EBF1: variants seen among roughly 807,000 people sequenced by gnomAD.
EBF1 encodes EBF transcription factor 1, also known as transcription factor COE1.
In EBF1, 10 loss-of-function variants were observed where a neutral mutation model predicts 68.4. The observed-to-expected ratio is 0.15, with a 90% CI of 0.09 to 0.25. The LOEUF (loss-of-function observed/expected upper bound fraction) is 0.25, where lower values mean the gene tolerates loss of function less well. Ranked by LOEUF, EBF1 falls within the 10% of genes least tolerant of loss-of-function variation. The pLI, the probability that EBF1 is intolerant of heterozygous loss-of-function variation, is 1.00. For synonymous variants in EBF1, 298 were observed against 299.8 expected (o/e 0.99, Z 0.06); for missense variants, 509 against 794.4 (o/e 0.64, Z 4.32).
chr5:158,704,342 C>T lies in EBF1; in HGVS notation c.1744+3637G>A, dbSNP rs191304681. ...GCTGGGGAAGAGGTCTTTTAGGAGT[C>T]GGCTTTAAAAAACAGAACCATGCAC... On this transcript the variant is annotated intron_variant, in intron 15 of 15. Coordinates refer to ENST00000313708, the MANE Select transcript of EBF1 (RefSeq NM_024007.5). Among the ~76,000 whole-genome samples the T allele has an allele frequency of 2.9e-3, 436 of 152,180 alleles. 2 individuals carry two copies. The highest frequency in any genetic ancestry group is 9.8e-3 in the African/African-American group (408 of 41,530).
chr5:159,081,706 C>G, intron 5 of EBF1, among the ~76,000 whole-genome samples: 1 of 152,112 alleles, frequency 6.6e-6, no homozygotes, highest in Non-Finnish European at 1.5e-5. Flanking sequence ...AGAGGTCTTT[C>G]TTAAACAGAG....
chr5:158,846,601 C>T (rs1395137678), intron 6 of EBF1, among the ~76,000 whole-genome samples: 6 of 152,160 alleles, frequency 3.9e-5, no homozygotes, highest in Non-Finnish European at 8.8e-5. Flanking sequence ...TCCCTTGCAA[C>T]AGAGCAGGCC....
rs147350886 is a variant in EBF1, at chr5:158,913,191, C to T, written c.555-73081G>A. ...ATAGAGTTCTGGGATTTTTAAAATG[C>T]GTATGTTGTTAAGTTTTACTTTAAT... On this transcript the variant is annotated intron_variant, in intron 6 of 15. Coordinates refer to ENST00000313708, the MANE Select transcript of EBF1 (RefSeq NM_024007.5). Among the ~76,000 whole-genome samples, 307 of 152,228 alleles carry T rather than the reference C, an allele frequency of 2.0e-3. 1 individual carries two copies. Among genetic ancestry groups the T allele is most frequent in the Middle Eastern group, 3.4e-3 (1 of 292 alleles).
At chr5:159,091,112 T>C (rs1781553896) in intron 4 of EBF1, among the ~76,000 whole-genome samples, 1 of 152,122 alleles carries the variant, frequency 6.6e-6, no homozygotes, top group Admixed American at 6.5e-5. Context: ...GTCATATGAG[T>C]TCAATAAATG....
intron 6 of EBF1, among the ~76,000 whole-genome samples, chr5:158,969,600 CAAAAAAAA>C (rs61084099): frequency 6.1e-5 from 3 of 49,210 alleles, no homozygotes; most frequent in African/African-American, 2.5e-4. Context: ...CCCATCTCTA[CAAAAAAAA>C]AAAAAAAAAA....
chr5:158,834,282 G>A (rs980094566), intron 7 of EBF1, among the ~76,000 whole-genome samples: 1 of 152,142 alleles, frequency 6.6e-6, no homozygotes, highest in Non-Finnish European at 1.5e-5. Flanking sequence ...TTTGACATTA[G>A]CATCTTTTTA....
At chr5:159,034,274 C>T (rs901549656) in intron 6 of EBF1, among the ~76,000 whole-genome samples, 7 of 152,300 alleles carry the variant, frequency 4.6e-5, no homozygotes, top group Non-Finnish European at 1.0e-4. Context: ...AAACAGCCCA[C>T]ATTTCAATGA....
rs573683484 is a variant in EBF1 at position 158,862,983 on chromosome 5, A to G, written c.555-22873T>C. On this transcript the variant is annotated intron_variant, in intron 6 of 15. Transcript: ENST00000313708. ...TCCTGAGAGGTCAGCCTCAAATACA[A>G]CTGCTAGTGACTCAAATTATATGTG... is the stretch of plus-strand genomic sequence containing the variant. 1.1e-4 allele frequency among the ~76,000 whole-genome samples: 16 copies of G among 152,236 alleles called. 1 individual carries two copies. In the South Asian group the frequency reaches 3.1e-3, roughly 30 times the overall value.
chr5:159,006,645 G>A (rs1421471312), intron 6 of EBF1, among the ~76,000 whole-genome samples: 1 of 15,026 alleles, frequency 6.7e-5, no homozygotes, highest in Non-Finnish European at 1.4e-4. Context: ...TCATAGCCAT[G>A]TTAAAAAAAA....
chr5:159,090,836 AG>A (rs1367017023), intron 4 of EBF1, among the ~76,000 whole-genome samples: 1 of 152,022 alleles, frequency 6.6e-6, no homozygotes, highest in African/African-American at 2.4e-5. Flanking sequence ...TAATAATAAA[AG>A]CATCTAATTT....
chr5:158,835,474 G>T (rs1788545859), intron 7 of EBF1, among the ~76,000 whole-genome samples: 1 of 152,152 alleles, frequency 6.6e-6, no homozygotes, highest in Non-Finnish European at 1.5e-5. Flanking sequence ...TCTACCCTCT[G>T]CATGATGAAC....
At position 158,696,781 on chromosome 5, in the gene EBF1, T is replaced by G. The variant is rs1755834432; in HGVS notation, c.*2330A>C. On this transcript the variant is annotated 3_prime_UTR_variant, in exon 16 of 16. Coordinates refer to ENST00000313708, the MANE Select transcript of EBF1 (RefSeq NM_024007.5). ...CAGCCTAGTGAAAACCATTGCAAAA[T>G]CCATATGGGGGCATGCACAGTTGCA... The G allele has an allele frequency of 2.6e-5, 3 of 114,404 alleles. No homozygotes were observed. The highest frequency in any genetic ancestry group is 6.4e-4 in the South Asian group (2 of 3,112). The allele number at this position is 114,404 out of a possible 1,614,324, so 7.1% of individuals were successfully genotyped here.
rs566250485 is a variant in EBF1 at position 158,982,252 on chromosome 5, A to G, written c.554+91144T>C. Among the ~76,000 whole-genome samples, 6 of 152,380 alleles carry G rather than the reference A, an allele frequency of 3.9e-5. No individual in the cohort carries two copies. The South Asian group carries it at 1.0e-3, about 26-fold the overall frequency. The stretch of plus-strand genomic sequence containing the variant: ...AGCTAATGAATGTAAATCATTTGAC[A>G]TTTATTAAATAAACATTAGCTGCTA... On this transcript the variant is annotated intron_variant, in intron 6 of 15. Transcript: ENST00000313708.
chr5:158,924,838 G>A (rs899715890), intron 6 of EBF1, among the ~76,000 whole-genome samples: 23 of 132,038 alleles, frequency 1.7e-4, no homozygotes, highest in Non-Finnish European at 2.8e-4. Context: ...GGGCAACAGA[G>A]CGAGACTCTG....
intron 8 of EBF1, among the ~76,000 whole-genome samples, chr5:158,808,124 G>C (rs998307227): frequency 2.6e-5 from 4 of 152,114 alleles, no homozygotes; most frequent in African/African-American, 9.7e-5. Flanking sequence ...CCGTGGTGAT[G>C]ATCTGTGATG....
At chr5:158,824,804 A>G (rs969708669) in intron 7 of EBF1, among the ~76,000 whole-genome samples, 1 of 152,210 alleles carries the variant, frequency 6.6e-6, no homozygotes, top group African/African-American at 2.4e-5. Flanking sequence ...TCCCATACTT[A>G]AAAGTTCCAC....
At chr5:158,757,605 C>T (rs891447163) in intron 10 of EBF1, among the ~76,000 whole-genome samples, 1 of 152,206 alleles carries the variant, frequency 6.6e-6, no homozygotes, top group Non-Finnish European at 1.5e-5. Context: ...TCATGTTATA[C>T]GCACAAGAGC....
chr5:159,010,109 G>A (rs142090867), intron 6 of EBF1, among the ~76,000 whole-genome samples: 11 of 152,336 alleles, frequency 7.2e-5, no homozygotes, highest in African/African-American at 2.6e-4. Flanking sequence ...CAGCCCGAAA[G>A]AGTAAAGTCT....
chr5:158,997,734 T>C (rs534830474), intron 6 of EBF1, among the ~76,000 whole-genome samples: 5 of 152,280 alleles, frequency 3.3e-5, no homozygotes, highest in African/African-American at 1.2e-4. Context: ...AACCCTCCAG[T>C]GGATCCCTGT....
Sources: gnomAD v4.1 joint callset for allele counts (sites outside exome capture counted in the v4.1 genomes callset) on GRCh38, gnomAD v4.1.1 for gene constraint, MANE v1.5 for transcripts, NCBI Gene and HGNC (gene_info 2026-07-23, HGNC 2026-07-21) for gene names.